Variants in RIMS1 observed in about 807,000 individuals in gnomAD.
RIMS1 encodes the protein regulating synaptic membrane exocytosis 1, also known as regulating synaptic membrane exocytosis protein 1.
RIMS1 carries 83 observed loss-of-function variants against 214.1 expected under a neutral mutation model. The ratio of observed to expected loss-of-function variants is 0.39; its 90% CI spans 0.32 to 0.47. The LOEUF (loss-of-function observed/expected upper bound fraction) is 0.47. Among genes scored for constraint, RIMS1 ranks in the 20% least tolerant of loss-of-function variants. The pLI is 0.99. For synonymous variants in RIMS1, 793 were observed against 786.8 expected, an observed-to-expected ratio of 1.01 and a Z score of -0.13; for missense variants, 2,050 against 2,161.8, an observed-to-expected ratio of 0.95 and a Z score of 1.03.
intron 2 of RIMS1, among the ~76,000 whole-genome samples, chr6:72,030,349 G>C (rs1169922118): frequency 6.6e-6 from 1 of 152,122 alleles, no homozygotes; most frequent in Admixed American, 6.6e-5. Context: ...TTAATAAAGA[G>C]ACTTTATCTA....
chr6:72,248,081 C>G lies in RIMS1; in HGVS notation c.2195C>G (p.Pro732Arg). The G allele has an allele frequency of 6.2e-7, 1 of 1,613,126 alleles. No homozygotes were observed. The highest frequency in any genetic ancestry group is 1.1e-5 in the South Asian group (1 of 90,966). Residue 732 changes from proline to arginine, a missense_variant, in exon 12 of 34, where the codon CCT becomes CGT. By Grantham distance (103) the Pro-to-Arg change is moderately radical (BLOSUM62 -2). Around this residue, in one of 6 missense-constraint regions of RIMS1, gnomAD observed 111 missense variants for 166.2 expected, o/e 0.67. Transcript: ENST00000521978. ...ATTTCTGTTATTTCTCCAACAAGTC[C>G]TGGAGCTCTAAAAGATGCCCCACAA... ...PSISVISPTS[P>R]GALKDAPQVL...
chr6:72,272,360 C>A (rs1038915710), intron 22 of RIMS1, among the ~76,000 whole-genome samples: 1 of 152,066 alleles, frequency 6.6e-6, no homozygotes, highest in Non-Finnish European at 1.5e-5. Context: ...ACTTAAGTGA[C>A]ATCTTTTCTT....
rs181932886 is a variant in RIMS1 at position 72,372,744 on chromosome 6, T to C, written c.4367-17854T>C. ...CTGGACTGTGTCTAATCTTCAGCGATTGGTTTGCTATTCATTGTTGGGAAA... is the reference window on the plus strand; with the variant it reads ...CTGGACTGTGTCTAATCTTCAGCGACTGGTTTGCTATTCATTGTTGGGAAA... On this transcript the variant is annotated intron_variant, in intron 29 of 33. Transcript: ENST00000521978. Among the ~76,000 whole-genome samples the C allele has an allele frequency of 8.6e-4, 131 of 152,332 alleles. 1 individual carries two copies. The highest frequency in any genetic ancestry group is 3.0e-3 in the African/African-American group (124 of 41,564).
chr6:72,197,523 A>C (rs1197731033), intron 6 of RIMS1, among the ~76,000 whole-genome samples: 3 of 152,078 alleles, frequency 2.0e-5, no homozygotes, highest in African/African-American at 7.2e-5. Flanking sequence ...TGTGTAAAAT[A>C]CTTTTTTAAG....
At chr6:72,216,564 C>T in intron 6 of RIMS1, 1 of 985,428 alleles carries the variant, frequency 1.0e-6, no homozygotes, top group Non-Finnish European at 1.2e-6. Context: ...AGGGAAACTG[C>T]AGAGGAAATG....
At chr6:72,303,554 T>C (rs2094847219) in intron 26 of RIMS1, among the ~76,000 whole-genome samples, 1 of 151,412 alleles carries the variant, frequency 6.6e-6, no homozygotes, top group Non-Finnish European at 1.5e-5. Flanking sequence ...GATTCCTTCT[T>C]GTTGAGCTTT....
intron 3 of RIMS1, among the ~76,000 whole-genome samples, chr6:72,099,599 C>T (rs1159840978): frequency 6.6e-6 from 1 of 151,982 alleles, no homozygotes; most frequent in Non-Finnish European, 1.5e-5. Flanking sequence ...ATTATTGATA[C>T]AATTTTATGC....
chr6:72,265,503 G>C lies in RIMS1; in HGVS notation c.3308G>C (p.Ser1103Thr), dbSNP rs377746076. Residue 1103 changes from serine (S) to threonine (T), a missense_variant and splice_region_variant, in exon 21 of 34, where the codon AGT becomes ACT. By Grantham distance (58) the Ser-to-Thr change is moderately conservative (BLOSUM62 1). This residue lies in a region of RIMS1 where 889 missense variants were observed against 885.5 expected (regional missense o/e 1.00). Transcript: ENST00000521978. ...VLRFTDEILV[S>T]ELQPFLDRAR... ...AGATTTACTGATGAAATACTGGTTA[G>C]GTAAGAACATTTGGAAGTGATATCT... 6.6e-7 allele frequency: 1 copy of C among 1,514,906 alleles called. No individual in the cohort carries two copies. The highest frequency in any genetic ancestry group is 1.4e-5 in the African/African-American group (1 of 72,674). The allele number at this position is 1,514,906 out of a possible 1,614,324, so 93.8% of individuals were successfully genotyped here.
chr6:72,251,889 A>G (rs1460212001), intron 15 of RIMS1, among the ~76,000 whole-genome samples: 2 of 152,186 alleles, frequency 1.3e-5, no homozygotes, highest in East Asian at 3.9e-4. Flanking sequence ...TTATTTTTGT[A>G]TATTTAGTAG....
At chr6:72,263,087 A>G (rs1265967807) in intron 19 of RIMS1, 1 of 980,990 alleles carries the variant, frequency 1.0e-6, no homozygotes. Flanking sequence ...TTCCAAAAAT[A>G]TGAAAACTTG....
At chr6:72,032,761 A>G (rs1818499194) in intron 2 of RIMS1, among the ~76,000 whole-genome samples, 2 of 152,188 alleles carry the variant, frequency 1.3e-5, no homozygotes, top group Admixed American at 1.3e-4. Context: ...TCTACCCTCT[A>G]TCTCACATGA....
intron 2 of RIMS1, among the ~76,000 whole-genome samples, chr6:72,048,435 CAAT>C (rs1357957307): frequency 6.6e-6 from 1 of 152,028 alleles, no homozygotes; most frequent in East Asian, 1.9e-4. Flanking sequence ...TTAAAGCTGA[CAAT>C]AATATGTTTT....
intron 4 of RIMS1, among the ~76,000 whole-genome samples, chr6:72,119,384 A>C (rs1301994211): frequency 1.3e-5 from 2 of 151,994 alleles, no homozygotes; most frequent in East Asian, 3.9e-4. Context: ...AATGACAATA[A>C]TACCCAAAGC....
At chr6:72,024,919 T>TTTTTC (rs1815934585) in intron 2 of RIMS1, among the ~76,000 whole-genome samples, 1 of 146,978 alleles carries the variant, frequency 6.8e-6, no homozygotes, top group Non-Finnish European at 1.5e-5. Flanking sequence ...TTTTTTTTTT[T>TTTTTC]TTTTGAGGCA....
chr6:72,400,658 C>T lies in RIMS1; in HGVS notation c.5023C>T (p.Arg1675Trp), dbSNP rs765953432. 3.7e-6 allele frequency: 6 copies of T among 1,613,762 alleles called. No homozygotes were observed. The highest frequency in any genetic ancestry group is 5.1e-6 in the Non-Finnish European group (6 of 1,179,828). Residue 1675 changes from arginine (R) to tryptophan (W), a missense_variant, in exon 34 of 34, where the codon CGG (arginine) becomes TGG (tryptophan). Around this residue, in one of 6 missense-constraint regions of RIMS1, gnomAD observed 33 missense variants for 40.9 expected, o/e 0.81. Transcript: ENST00000521978. ...VDPTLTPLTR[R>W]ASQSSLESST... ...TCCCACACTCACTCCCCTCACCCGGCGGGCTTCCCAGTCATCTCTGGAAAG... is the reference window on the plus strand; with the variant it reads ...TCCCACACTCACTCCCCTCACCCGGTGGGCTTCCCAGTCATCTCTGGAAAG...
intron 6 of RIMS1, among the ~76,000 whole-genome samples, chr6:72,188,997 G>C (rs912435170): frequency 1.4e-4 from 21 of 152,292 alleles, no homozygotes; most frequent in African/African-American, 4.8e-4. Flanking sequence ...TGTGTCTCCT[G>C]GTGACAGGTT....
chr6:72,400,492 G>T lies in RIMS1; in HGVS notation c.4861-4G>T, dbSNP rs201511465. The T allele has an allele frequency of 6.2e-7, 1 of 1,612,460 alleles. No homozygotes were observed. Among genetic ancestry groups the T allele is most frequent in the African/African-American group, 1.3e-5 (1 of 74,994 alleles). Reference sequence around the variant, plus strand: ...GGTAATGTTGCATTTCTCTATCTCTGCAGGTGATTGTCTGGGGAGACTATG... The same window carrying T: ...GGTAATGTTGCATTTCTCTATCTCTTCAGGTGATTGTCTGGGGAGACTATG... On this transcript the variant is annotated splice_polypyrimidine_tract_variant and splice_region_variant and intron_variant, in intron 33 of 33. Transcript: ENST00000521978.
chr6:71,900,937 A>G (rs1773413979), intron 1 of RIMS1, among the ~76,000 whole-genome samples: 1 of 152,134 alleles, frequency 6.6e-6, no homozygotes, highest in Admixed American at 6.6e-5. Context: ...TTTCACTTTT[A>G]AAAATTGATA....
At chr6:72,100,982 C>T (rs910029522) in intron 4 of RIMS1, among the ~76,000 whole-genome samples, 2 of 151,750 alleles carry the variant, frequency 1.3e-5, no homozygotes. Flanking sequence ...TTGTCTGTAC[C>T]ATTGACTGTA....
Sources: allele counts gnomAD v4.1 joint callset (sites outside exome capture counted in the v4.1 genomes callset), GRCh38; gene constraint gnomAD v4.1.1; regional missense constraint gnomAD v4.1.1; transcripts MANE v1.5; gene names NCBI Gene and HGNC (gene_info 2026-07-23, HGNC 2026-07-21).